ARHGEF3: variants seen among roughly 807,000 people sequenced by gnomAD.
ARHGEF3 encodes the protein 59.8 kDA protein.
In ARHGEF3, 28 loss-of-function variants were observed where a neutral mutation model predicts 63.2. The ratio of observed to expected loss-of-function variants is 0.44; its 90% CI spans 0.33 to 0.61. ARHGEF3 has a LOEUF of 0.61. Among genes scored for constraint, ARHGEF3 ranks in the 20% least tolerant of loss-of-function variants. The pLI is 0.03. For synonymous variants in ARHGEF3, 266 were observed against 254.2 expected, an observed-to-expected ratio of 1.05 and a Z score of -0.44; for missense variants, 533 against 659.3, an observed-to-expected ratio of 0.81 and a Z score of 2.10.
Position 56,729,242 on chromosome 3 carries a change from C to T in ARHGEF3, c.*28G>A, listed in dbSNP as rs1425727914. 14 of 1,581,274 alleles carry T rather than the reference C, an allele frequency of 8.9e-6. No individual in the cohort carries two copies. The highest frequency in any genetic ancestry group is 1.3e-5 in the African/African-American group (1 of 74,328). On this transcript the variant is annotated 3_prime_UTR_variant, in exon 10 of 10. Transcript: ENST00000296315. Reference sequence around the variant, plus strand: ...AAATACTGTACAGGTAAGATGCAGGCCTGCTTCCCGAAGTGCACATGCTTC... The same window carrying T: ...AAATACTGTACAGGTAAGATGCAGGTCTGCTTCCCGAAGTGCACATGCTTC...
intron 1 of ARHGEF3, among the ~76,000 whole-genome samples, chr3:57,041,959 C>T (rs113701164): frequency 3.3e-5 from 5 of 152,250 alleles, no homozygotes; most frequent in African/African-American, 1.2e-4. Context: ...CCACCACCCC[C>T]GAGGGCTGAT....
At chr3:56,890,928 T>G (rs554455828) in intron 3 of ARHGEF3, among the ~76,000 whole-genome samples, 1 of 152,338 alleles carries the variant, frequency 6.6e-6, no homozygotes, top group African/African-American at 2.4e-5. Flanking sequence ...CGAACCTTTT[T>G]GATTTATCTC....
chr3:56,751,878 C>T (rs2034775220), intron 4 of ARHGEF3, among the ~76,000 whole-genome samples: 1 of 152,080 alleles, frequency 6.6e-6, no homozygotes, highest in Admixed American at 6.6e-5. Flanking sequence ...ATCCTATCAC[C>T]TCTTACTAGA....
intron 3 of ARHGEF3, among the ~76,000 whole-genome samples, chr3:56,883,324 G>T (rs1438747771): frequency 6.7e-6 from 1 of 149,362 alleles, no homozygotes; most frequent in African/African-American, 2.5e-5. Context: ...TTTTGAGACA[G>T]GGTCTCCCTC....
At chr3:56,983,814 T>C (rs1701423373) in intron 2 of ARHGEF3, among the ~76,000 whole-genome samples, 1 of 151,884 alleles carries the variant, frequency 6.6e-6, no homozygotes, top group Admixed American at 6.6e-5. Flanking sequence ...TGCACGCCTG[T>C]AGTCCCAGCT....
At chr3:56,911,231 G>A (rs2108337347) in intron 3 of ARHGEF3, among the ~76,000 whole-genome samples, 1 of 152,290 alleles carries the variant, frequency 6.6e-6, no homozygotes, top group African/African-American at 2.4e-5. Context: ...AAGGAGAGAG[G>A]TGGTAAGCAC....
chr3:57,058,281 T>A (rs1185179731), intron 1 of ARHGEF3, among the ~76,000 whole-genome samples: 4 of 152,250 alleles, frequency 2.6e-5, no homozygotes, highest in African/African-American at 7.2e-5. Flanking sequence ...TTCACATTTA[T>A]GAGAACTTGT....
chr3:56,993,226 G>T (rs767043589), intron 2 of ARHGEF3, among the ~76,000 whole-genome samples: 2 of 152,110 alleles, frequency 1.3e-5, no homozygotes, highest in African/African-American at 4.8e-5. Context: ...TCCTGATTTT[G>T]CCTGTCTAAA....
At chr3:56,747,551 G>C (rs901432238) in intron 6 of ARHGEF3, among the ~76,000 whole-genome samples, 1 of 152,208 alleles carries the variant, frequency 6.6e-6, no homozygotes, top group Non-Finnish European at 1.5e-5. Context: ...CAGTTAAAGA[G>C]ACTAGGCCGG....
intron 4 of ARHGEF3, among the ~76,000 whole-genome samples, chr3:56,818,213 T>TTGAAAATTCTGAAACTCTAC (rs1224787373): frequency 2.0e-5 from 3 of 152,124 alleles, no homozygotes; most frequent in African/African-American, 7.2e-5. Flanking sequence ...CCCTTCTATC[T>TTGAAAATTCTGAAACTCTAC]TGAAAATTCT....
chr3:56,966,093 C>T (rs749670086), intron 2 of ARHGEF3, among the ~76,000 whole-genome samples: 3 of 152,118 alleles, frequency 2.0e-5, no homozygotes, highest in Non-Finnish European at 4.4e-5. Flanking sequence ...AAATACTACT[C>T]TATTGTTTAT....
intron 3 of ARHGEF3, among the ~76,000 whole-genome samples, chr3:56,886,112 T>G (rs1473037513): frequency 6.6e-6 from 1 of 152,228 alleles, no homozygotes; most frequent in Non-Finnish European, 1.5e-5. Context: ...ATGAGTCAGA[T>G]AAGGTGCTAA....
At chr3:56,916,042 G>A (rs1158061098) in intron 3 of ARHGEF3, among the ~76,000 whole-genome samples, 2 of 152,070 alleles carry the variant, frequency 1.3e-5, no homozygotes, top group East Asian at 1.9e-4. Flanking sequence ...TGACAGCTAT[G>A]CACGCCACTC....
intron 1 of ARHGEF3, chr3:57,076,805 C>T: frequency 6.6e-6 from 1 of 152,326 alleles, no homozygotes; most frequent in Non-Finnish European, 1.5e-5. Context: ...CCGCTGTATG[C>T]CATGGAGCAG....
chr3:56,942,453 G>A (rs922380752), intron 3 of ARHGEF3, among the ~76,000 whole-genome samples: 11 of 152,148 alleles, frequency 7.2e-5, no homozygotes, highest in South Asian at 2.1e-4. Flanking sequence ...ATATAAGATG[G>A]TGAGCTTAAT....
chr3:56,901,429 C>CATATATATACATACTGTATAT (rs942142170), intron 3 of ARHGEF3, among the ~76,000 whole-genome samples: 4 of 146,426 alleles, frequency 2.7e-5, no homozygotes, highest in Admixed American at 1.4e-4. Context: ...CGTATATGTA[C>CATATATATACATACTGTATAT]ATATATATAC....
intron 3 of ARHGEF3, among the ~76,000 whole-genome samples, chr3:56,882,635 C>T (rs1050269386): frequency 2.0e-5 from 3 of 151,310 alleles, no homozygotes; most frequent in African/African-American, 7.3e-5. Context: ...TCTCCTGCCT[C>T]AGCCTCCTGA....
chr3:56,967,135 T>C (rs191667590), intron 2 of ARHGEF3, among the ~76,000 whole-genome samples: 4,656 of 147,806 alleles, frequency 0.032, 134 homozygotes, highest in Non-Finnish European at 0.044. Context: ...AGTGCTGGGA[T>C]TACAGGCATG....
chr3:56,972,704 T>C (rs1432382470), intron 2 of ARHGEF3, among the ~76,000 whole-genome samples: 1 of 151,848 alleles, frequency 6.6e-6, no homozygotes, highest in African/African-American at 2.4e-5. Context: ...GGGTAAGCAG[T>C]GAGCAAGAGC....
Sources: gnomAD v4.1 joint callset for allele counts (sites outside exome capture counted in the v4.1 genomes callset) on GRCh38, gnomAD v4.1.1 for gene constraint, MANE v1.5 for transcripts, NCBI Gene and HGNC (gene_info 2026-07-23, HGNC 2026-07-21) for gene names.